Variants in GALNTL6 observed in about 807,000 individuals in gnomAD.
The protein encoded by GALNTL6 is polypeptide N-acetylgalactosaminyltransferase like 6.
Under a neutral mutation model 73.7 loss-of-function variants are expected in GALNTL6, and 46 were observed. The observed-to-expected ratio is 0.62, with a 90% CI of 0.49 to 0.80. The LOEUF is 0.80. GALNTL6 is among the 30% of genes least tolerant of loss of function. GALNTL6 has a pLI of 0.00. For synonymous variants in GALNTL6, 259 were observed against 263.7 expected (o/e 0.98, Z 0.17); for missense variants, 604 against 755.0 (o/e 0.80, Z 2.34).
At chr4:172,694,838 T>A (rs1733588309) in intron 5 of GALNTL6, among the ~76,000 whole-genome samples, 1 of 152,240 alleles carries the variant, frequency 6.6e-6, no homozygotes, top group African/African-American at 2.4e-5. Flanking sequence ...TTCTGCTTTT[T>A]AAAAACTAAA....
chr4:172,138,687 GC>G, intron 2 of GALNTL6, among the ~76,000 whole-genome samples: 1 of 148,598 alleles, frequency 6.7e-6, no homozygotes, highest in East Asian at 2.0e-4. Context: ...CTGCCACCAC[GC>G]CCGGCTAATT....
intron 5 of GALNTL6, among the ~76,000 whole-genome samples, chr4:172,710,429 C>T (rs1734632187): frequency 6.6e-6 from 1 of 152,060 alleles, no homozygotes; most frequent in South Asian, 2.1e-4. Flanking sequence ...GTCTTAAATA[C>T]AATGAAATAT....
In GALNTL6 at chr4:171,851,047, G is replaced by A. The variant is rs189977949; in HGVS notation, c.138+36329G>A. Among the ~76,000 whole-genome samples, 10 of 152,158 alleles carry A rather than the reference G, an allele frequency of 6.6e-5. No individual in the cohort carries two copies. In the East Asian group the frequency reaches 1.9e-3, roughly 29 times the overall value. ...AACTGGCATTTTAATAAAGGCTCAGGGCATTTCTCGTAGTGTATAATTCAC... is the reference window on the plus strand; with the variant it reads ...AACTGGCATTTTAATAAAGGCTCAGAGCATTTCTCGTAGTGTATAATTCAC... On this transcript the variant is annotated intron_variant, in intron 2 of 12. Coordinates refer to ENST00000506823, the MANE Select transcript of GALNTL6 (RefSeq NM_001034845.3).
chr4:172,653,916 A>C (rs747493), intron 5 of GALNTL6, among the ~76,000 whole-genome samples: 15,073 of 152,264 alleles, frequency 0.099, 880 homozygotes, highest in East Asian at 0.21. Flanking sequence ...TAGACAGCAT[A>C]TATTTTAATG....
At chr4:172,283,976 A>T (rs543291284) in intron 3 of GALNTL6, among the ~76,000 whole-genome samples, 89 of 152,258 alleles carry the variant, frequency 5.8e-4, no homozygotes, top group African/African-American at 2.1e-3. Flanking sequence ...ACTAAAATCT[A>T]ATTTTAGTTC....
chr4:172,720,456 C>G (rs1254791426), intron 5 of GALNTL6, among the ~76,000 whole-genome samples: 1 of 152,138 alleles, frequency 6.6e-6, no homozygotes, highest in Non-Finnish European at 1.5e-5. Flanking sequence ...AGTGGGCAAG[C>G]TAGTTAGTTT....
chr4:172,336,339 C>T (rs1228140553), intron 4 of GALNTL6, among the ~76,000 whole-genome samples: 7 of 129,244 alleles, frequency 5.4e-5, no homozygotes, highest in Non-Finnish European at 9.4e-5. Flanking sequence ...GACTCCATCT[C>T]GGCTCACTGC....
At chr4:172,802,346 T>A in intron 5 of GALNTL6, among the ~76,000 whole-genome samples, 1 of 152,074 alleles carries the variant, frequency 6.6e-6, no homozygotes, top group South Asian at 2.1e-4. Flanking sequence ...TTCTTGGGCC[T>A]TGAAGCACGA....
At chr4:172,381,244 CT>C (rs768854626) in intron 5 of GALNTL6, among the ~76,000 whole-genome samples, 2 of 152,114 alleles carry the variant, frequency 1.3e-5, no homozygotes, top group Non-Finnish European at 2.9e-5. Context: ...TTCCTTTTTA[CT>C]TTTTGTAATG....
intron 2 of GALNTL6, among the ~76,000 whole-genome samples, chr4:171,914,284 C>G (rs76667390): frequency 6.6e-6 from 1 of 151,940 alleles, no homozygotes; most frequent in Non-Finnish European, 1.5e-5. Flanking sequence ...AGAAAGAGAC[C>G]TATATTCCAC....
chr4:171,882,125 C>T (rs1405100527), intron 2 of GALNTL6, among the ~76,000 whole-genome samples: 2 of 152,130 alleles, frequency 1.3e-5, no homozygotes, highest in Admixed American at 6.6e-5. Context: ...TCTGGAAATA[C>T]ATTGAACATC....
intron 10 of GALNTL6, among the ~76,000 whole-genome samples, chr4:172,985,476 T>G (rs182095540): frequency 1.9e-4 from 29 of 152,258 alleles, no homozygotes; most frequent in African/African-American, 7.0e-4. Context: ...CAGGTTCATC[T>G]TGCCTATTGC....
intron 2 of GALNTL6, among the ~76,000 whole-genome samples, chr4:171,871,942 G>A (rs997369549): frequency 6.6e-6 from 1 of 152,184 alleles, no homozygotes; most frequent in South Asian, 2.1e-4. Flanking sequence ...ATCCAGTGTT[G>A]CACCCTCCAC....
intron 2 of GALNTL6, among the ~76,000 whole-genome samples, chr4:171,992,553 G>C (rs529298204): frequency 2.8e-4 from 42 of 151,988 alleles, no homozygotes; most frequent in Non-Finnish European, 5.2e-4. Flanking sequence ...TGATAAAACT[G>C]ATAGTTGGGA....
intron 5 of GALNTL6, among the ~76,000 whole-genome samples, chr4:172,526,382 C>T (rs948116353): frequency 2.0e-5 from 3 of 152,182 alleles, no homozygotes. Flanking sequence ...TGAAGCCCAA[C>T]TGACAAAATT....
chr4:173,001,961 C>T (rs1412158811), intron 10 of GALNTL6, among the ~76,000 whole-genome samples: 2 of 152,142 alleles, frequency 1.3e-5, no homozygotes, highest in East Asian at 3.8e-4. Flanking sequence ...TTTCATGGTT[C>T]CTCAAAAAGT....
intron 5 of GALNTL6, among the ~76,000 whole-genome samples, chr4:172,755,384 T>C (rs1187449350): frequency 1.3e-5 from 2 of 151,262 alleles, no homozygotes; most frequent in Non-Finnish European, 2.9e-5. Flanking sequence ...TTTTGAGAAG[T>C]AAAATATATG....
chr4:172,865,605 A>C (rs528660449), intron 7 of GALNTL6, among the ~76,000 whole-genome samples: 199 of 152,366 alleles, frequency 1.3e-3, no homozygotes, highest in African/African-American at 4.6e-3. Flanking sequence ...TTAGCTTTGC[A>C]AACTTTTAAA....
At chr4:172,758,590 A>G (rs1737888081) in intron 5 of GALNTL6, among the ~76,000 whole-genome samples, 1 of 152,232 alleles carries the variant, frequency 6.6e-6, no homozygotes, top group African/African-American at 2.4e-5. Flanking sequence ...TATCCCCATC[A>G]GTATATCTAA....
Sources: gnomAD v4.1 joint callset for allele counts (sites outside exome capture counted in the v4.1 genomes callset) on GRCh38, gnomAD v4.1.1 for gene constraint, MANE v1.5 for transcripts, NCBI Gene and HGNC (gene_info 2026-07-23, HGNC 2026-07-21) for gene names.